RUFY3: variants seen among roughly 807,000 people sequenced by gnomAD.
The protein encoded by RUFY3 is RUN and FYVE domain containing 3, also known as protein RUFY3.
Under a neutral mutation model 84.0 loss-of-function variants are expected in RUFY3, and 34 were observed. The ratio of observed to expected loss-of-function variants is 0.40; its 90% CI spans 0.31 to 0.54. The LOEUF (loss-of-function observed/expected upper bound fraction) is 0.54. Ranked by LOEUF, RUFY3 falls within the 20% of genes least tolerant of loss-of-function variation. The pLI is 0.39. For missense variants in RUFY3, 507 were observed against 736.8 expected (o/e 0.69, Z 3.61); for synonymous variants, 242 against 252.9 (o/e 0.96, Z 0.41).
rs1230320950 is a variant in RUFY3 at position 70,768,676 on chromosome 4, CT to C, written c.696+16del. ...TGGACTCTCAGGTATGGGAAAGAGACTCATTCCCATGGGTGTCACTCTGAGT... is the reference window on the plus strand; with the variant it reads ...TGGACTCTCAGGTATGGGAAAGAGACCATTCCCATGGGTGTCACTCTGAGT... On this transcript the variant is annotated intron_variant, in intron 5 of 17. Transcript: ENST00000381006. 6.2e-7 allele frequency: 1 copy of C among 1,612,116 alleles called. No individual in the cohort carries two copies. Among genetic ancestry groups the C allele is most frequent in the Non-Finnish European group, 8.5e-7 (1 of 1,179,322 alleles).
Position 70,752,073 on chromosome 4 carries a change from G to A in RUFY3, c.179-10446G>A, listed in dbSNP as rs138614204. On this transcript the variant is annotated intron_variant, in intron 1 of 17. Transcript: ENST00000381006. ...TGGGATTACAGACGTGAGATACCGC[G>A]CCCAGCCTGATCTTTTAAAATTTCT... Among the ~76,000 whole-genome samples the A allele has an allele frequency of 5.4e-3, 826 of 152,176 alleles. 15 individuals are homozygous for A. The highest frequency in any genetic ancestry group is 0.018 in the African/African-American group (761 of 41,500).
chr4:70,784,236 C>G (rs925649192), intron 9 of RUFY3, among the ~76,000 whole-genome samples: 2 of 152,224 alleles, frequency 1.3e-5, no homozygotes, highest in Non-Finnish European at 2.9e-5. Flanking sequence ...GTAATCCCAG[C>G]ACTTTGGGAG....
At chr4:70,794,573 C>T (rs1234124792) in intron 13 of RUFY3, 2 of 501,918 alleles carry the variant, frequency 4.0e-6, no homozygotes, top group Non-Finnish European at 6.9e-6. Flanking sequence ...GAACAAGACT[C>T]CATCTCAAAA....
chr4:70,785,417 A>G (rs886595542), intron 10 of RUFY3, among the ~76,000 whole-genome samples: 1 of 152,302 alleles, frequency 6.6e-6, no homozygotes, highest in Admixed American at 6.5e-5. Context: ...CAGAATGGCA[A>G]CTATCAAAAA....
chr4:70,750,751 T>TG (rs1723000388), intron 1 of RUFY3, among the ~76,000 whole-genome samples: 1 of 152,166 alleles, frequency 6.6e-6, no homozygotes, highest in African/African-American at 2.4e-5. Context: ...TCTCTGCAGT[T>TG]TTTTTTTGAG....
intron 6 of RUFY3, among the ~76,000 whole-genome samples, chr4:70,774,644 A>AAAAATATATATAT (rs1553916771): frequency 3.5e-5 from 2 of 56,670 alleles, no homozygotes; most frequent in East Asian, 6.4e-4. Flanking sequence ...AAAAAAAAAA[A>AAAAATATATATAT]ATATATATAT....
At chr4:70,789,812 AAAAG>A (rs777062506) in intron 12 of RUFY3, 98 of 1,190,974 alleles carry the variant, frequency 8.2e-5, no homozygotes, top group African/African-American at 1.4e-4. Context: ...TTAAAAAAAA[AAAAG>A]AAAGGTCAGC....
intron 17 of RUFY3, among the ~76,000 whole-genome samples, chr4:70,805,413 T>C (rs1732734705): frequency 6.6e-6 from 1 of 152,196 alleles, no homozygotes; most frequent in African/African-American, 2.4e-5. Flanking sequence ...CCCCAGCATC[T>C]AATATGGTAC....
At chr4:70,778,960 A>G (rs1350047690) in intron 8 of RUFY3, among the ~76,000 whole-genome samples, 3 of 152,188 alleles carry the variant, frequency 2.0e-5, no homozygotes, top group Non-Finnish European at 4.4e-5. Flanking sequence ...GTGTAGGGGC[A>G]TGTTGCCAGG....
At chr4:70,790,386 T>A (rs1156739692) in intron 12 of RUFY3, among the ~76,000 whole-genome samples, 2 of 152,228 alleles carry the variant, frequency 1.3e-5, no homozygotes, top group African/African-American at 4.8e-5. Flanking sequence ...GTCACCCTTC[T>A]TGCACTTGAG....
chr4:70,771,641 T>C (rs58863259), intron 5 of RUFY3, among the ~76,000 whole-genome samples: 11,108 of 152,196 alleles, frequency 0.073, 646 homozygotes, highest in East Asian at 0.2. Context: ...AATTGATCCT[T>C]CCACTTCAGC....
chr4:70,791,030 A>G (rs1038063781), intron 12 of RUFY3, among the ~76,000 whole-genome samples: 2 of 152,182 alleles, frequency 1.3e-5, no homozygotes, highest in African/African-American at 4.8e-5. Context: ...CTGTTCATAA[A>G]TTGTGCTTTT....
intron 15 of RUFY3, 87 bp downstream of exon 15, chr4:70,800,292 C>A: frequency 2.2e-6 from 2 of 905,236 alleles, no homozygotes; most frequent in South Asian, 1.7e-5. Flanking sequence ...TTGGCATTGA[C>A]ACCGACCAGA....
intron 1 of RUFY3, among the ~76,000 whole-genome samples, chr4:70,749,294 G>T (rs1333990063): frequency 2.6e-5 from 4 of 152,098 alleles, no homozygotes; most frequent in African/African-American, 9.7e-5. Context: ...AACTGAAGAA[G>T]TCTGGGAAAC....
At chr4:70,802,458 C>T (rs1432592082) in intron 15 of RUFY3, among the ~76,000 whole-genome samples, 1 of 152,178 alleles carries the variant, frequency 6.6e-6, no homozygotes, top group Admixed American at 6.5e-5. Flanking sequence ...AATATTTCAA[C>T]CTGAATGGGT....
intron 1 of RUFY3, among the ~76,000 whole-genome samples, chr4:70,753,430 T>C (rs1723455226): frequency 6.6e-6 from 1 of 152,228 alleles, no homozygotes; most frequent in Non-Finnish European, 1.5e-5. Context: ...TAGGGCTTTC[T>C]ACTTATATAC....
intron 16 of RUFY3, among the ~76,000 whole-genome samples, chr4:70,803,454 T>C (rs1196749282): frequency 8.7e-6 from 1 of 115,336 alleles, no homozygotes; most frequent in African/African-American, 4.4e-5. Flanking sequence ...ACTGCTTTCC[T>C]TTTTTTTTTT....
intron 1 of RUFY3, chr4:70,741,507 G>A (rs906900819): frequency 2.8e-6 from 2 of 720,572 alleles, no homozygotes; most frequent in East Asian, 3.1e-5. Flanking sequence ...TAAGTAGAAA[G>A]AATCCTAGGA....
chr4:70,782,776 G>A (rs1159251068), intron 8 of RUFY3, among the ~76,000 whole-genome samples: 3 of 152,002 alleles, frequency 2.0e-5, no homozygotes, highest in Admixed American at 6.5e-5. Flanking sequence ...AGTTGGGCGT[G>A]GTGGTGCATG....
Sources: gnomAD v4.1 joint callset for allele counts (sites outside exome capture counted in the v4.1 genomes callset) on GRCh38, gnomAD v4.1.1 for gene constraint, MANE v1.5 for transcripts, NCBI Gene and HGNC (gene_info 2026-07-23, HGNC 2026-07-21) for gene names.